The following TOP2B variants were observed in gnomAD, a reference collection of about 807,000 sequenced individuals.
TOP2B encodes DNA topoisomerase 2-beta.
A neutral mutation model predicts 193.5 loss-of-function variants in TOP2B; 51 were observed. That is an observed-to-expected ratio of 0.26 (90% CI 0.21 to 0.33). The LOEUF is 0.33. Among genes scored for constraint, TOP2B ranks in the 10% least tolerant of loss-of-function variants. The pLI, the probability that TOP2B is intolerant of heterozygous loss-of-function variation, is 1.00. For synonymous variants in TOP2B, 634 were observed against 635.7 expected (o/e 1.00, Z 0.04); for missense variants, 1,378 against 1,909.3 (o/e 0.72, Z 5.19).
chr3:25,600,239 T>C (rs886559739), intron 34 of TOP2B, among the ~76,000 whole-genome samples: 3 of 151,864 alleles, frequency 2.0e-5, no homozygotes, highest in Non-Finnish European at 2.9e-5. Flanking sequence ...CCCACAATGA[T>C]GCCAATGAAA....
At chr3:25,645,120 GT>G (rs1234799257) in intron 2 of TOP2B, among the ~76,000 whole-genome samples, 179 bp downstream of exon 2, 1 of 152,014 alleles carries the variant, frequency 6.6e-6, no homozygotes, top group African/African-American at 2.4e-5. Context: ...TCTTCTGACG[GT>G]TTTTAATCCC....
At chr3:25,646,739 G>A (rs932897152) in intron 1 of TOP2B, among the ~76,000 whole-genome samples, 17 of 152,036 alleles carry the variant, frequency 1.1e-4, no homozygotes, top group South Asian at 2.1e-4. Flanking sequence ...TTTCAATTCC[G>A]CTTTAAAGTT....
At chr3:25,654,890 T>C (rs929799382) in intron 1 of TOP2B, among the ~76,000 whole-genome samples, 33 of 152,138 alleles carry the variant, frequency 2.2e-4, no homozygotes, top group African/African-American at 7.7e-4. Flanking sequence ...TGGACTCTCA[T>C]GCCACATACA....
intron 16 of TOP2B, 121 bp from the exon 17 acceptor site, chr3:25,626,985 A>G (rs1702818738): frequency 1.4e-6 from 1 of 735,490 alleles, no homozygotes; most frequent in Admixed American, 2.9e-5. Context: ...TTATTTTACA[A>G]TATTTTAATC....
In TOP2B at chr3:25,625,707, G is replaced by C. The variant is rs184777998; in HGVS notation, c.2224+853C>G. Among the ~76,000 whole-genome samples, 541 of 152,268 alleles carry C rather than the reference G, an allele frequency of 3.6e-3. 1 individual carries two copies. The highest frequency in any genetic ancestry group is 4.6e-3 in the Non-Finnish European group (311 of 68,024). On this transcript the variant is annotated intron_variant, in intron 18 of 35. Coordinates refer to ENST00000264331, the MANE Select transcript of TOP2B (RefSeq NM_001330700.2). ...GTGGCCCAGGGAAGCCAAAAGGTTA[G>C]ACACCCTGGCTCTAGGCCAATAAGC...
intron 27 of TOP2B, 74 bp downstream of exon 27, chr3:25,615,131 A>C: frequency 3.7e-6 from 5 of 1,334,744 alleles, no homozygotes; most frequent in Non-Finnish European, 5.2e-6. Flanking sequence ...AAACTTTAAG[A>C]TCACTTAAAA....
At chr3:25,637,707 C>CA (rs1206055322) in intron 5 of TOP2B, among the ~76,000 whole-genome samples, 4 of 151,918 alleles carry the variant, frequency 2.6e-5, no homozygotes, top group Non-Finnish European at 3.0e-5. Flanking sequence ...CAAAACAAAA[C>CA]AAAAAACCTA....
chr3:25,632,600 CA>C lies in TOP2B; in HGVS notation c.1129-18del, dbSNP rs752602170. On this transcript the variant is annotated intron_variant, in intron 9 of 35. Transcript: ENST00000264331. ...GTTTTTTACCTGTTGAAAACATACC[CA>C]AAAAAGTCAATATCAGAGCTGATAT... 1 of 1,597,408 alleles carries C rather than the reference CA, an allele frequency of 6.3e-7. No homozygotes were observed. Among genetic ancestry groups the C allele is most frequent in the South Asian group, 1.1e-5 (1 of 87,294 alleles).
At chr3:25,644,655 C>T (rs1457483807) in intron 2 of TOP2B, among the ~76,000 whole-genome samples, 5 of 141,538 alleles carry the variant, frequency 3.5e-5, no homozygotes, top group Non-Finnish European at 7.7e-5. Context: ...GAGCCAAGAT[C>T]ACACTACTAC....
chr3:25,598,132 AAG>A lies in TOP2B; in HGVS notation c.*173_*174del, dbSNP rs1426550509. ...GTACGTGACATTTCAATGAGTAAAA[AAG>A]AGCATAAAACTGTATGTGTAAGAAC... On this transcript the variant is annotated 3_prime_UTR_variant, in exon 36 of 36. Coordinates refer to ENST00000264331, the MANE Select transcript of TOP2B (RefSeq NM_001330700.2). 3.4e-6 allele frequency: 2 copies of A among 595,256 alleles called. No individual in the cohort carries two copies. Among genetic ancestry groups the A allele is most frequent in the African/African-American group, 3.8e-5 (2 of 53,084 alleles). 36.9% of individuals were successfully genotyped at this position (595,256 alleles called of 1,614,324 possible). A position where few individuals can be genotyped will look rare whatever the true frequency, so the allele number is the denominator to read the frequency against.
intron 23 of TOP2B, among the ~76,000 whole-genome samples, chr3:25,619,372 C>T (rs148638753): frequency 5.9e-4 from 89 of 152,042 alleles, no homozygotes; most frequent in Non-Finnish European, 1.2e-3. Flanking sequence ...TTCTCAGCCA[C>T]TGTACTACTG....
chr3:25,646,223 T>C (rs1703410196), intron 1 of TOP2B, among the ~76,000 whole-genome samples: 1 of 152,040 alleles, frequency 6.6e-6, no homozygotes. Context: ...GACTACAGTA[T>C]AAACAAAAAT....
At chr3:25,651,449 A>G (rs1703586519) in intron 1 of TOP2B, among the ~76,000 whole-genome samples, 1 of 151,830 alleles carries the variant, frequency 6.6e-6, no homozygotes, top group South Asian at 2.1e-4. Flanking sequence ...TGTCACTAAA[A>G]AAAAAAAAAA....
At chr3:25,626,934 T>G in intron 16 of TOP2B, 70 bp from the exon 17 acceptor site, 1 of 940,270 alleles carries the variant, frequency 1.1e-6, no homozygotes, top group Non-Finnish European at 1.6e-6. Flanking sequence ...TTAAAATGTA[T>G]AAGTGGCCAA....
chr3:25,600,210 G>C (rs1457641667), intron 34 of TOP2B, among the ~76,000 whole-genome samples: 1 of 152,112 alleles, frequency 6.6e-6, no homozygotes, highest in Non-Finnish European at 1.5e-5. Context: ...TATTTAAGTA[G>C]GGGCCAGATG....
At position 25,598,495 on chromosome 3, in the gene TOP2B, A is replaced by AGAT. The variant is rs768778607; in HGVS notation, c.4711-21_4711-19dup. The AGAT allele has an allele frequency of 5.8e-6, 9 of 1,548,342 alleles. No homozygotes were observed. The South Asian group carries it at 7.4e-5, about 13-fold the overall frequency. On this transcript the variant is annotated intron_variant, in intron 35 of 35. Coordinates refer to ENST00000264331, the MANE Select transcript of TOP2B (RefSeq NM_001330700.2). ...TTCGGTTTCTAGATTTTTTTTCAAT[A>AGAT]GATTTAAAAGTTATGAAAGGAAGTA...
intron 3 of TOP2B, 80 bp downstream of exon 3, chr3:25,643,614 G>A: frequency 9.4e-7 from 1 of 1,059,880 alleles, no homozygotes; most frequent in Non-Finnish European, 1.4e-6. Context: ...ATTTATACTG[G>A]TTAAGTCTGG....
At chr3:25,646,951 T>C (rs1559507465) in intron 1 of TOP2B, among the ~76,000 whole-genome samples, 1 of 152,190 alleles carries the variant, frequency 6.6e-6, no homozygotes, top group South Asian at 2.1e-4. Context: ...CTCATTTTAC[T>C]AGATTTTAAA....
rs1016516521 is a variant in TOP2B, at chr3:25,664,891, C to T, written c.-594G>A. 2.8e-5 allele frequency: 28 copies of T among 990,610 alleles called. No individual in the cohort carries two copies. The highest frequency in any genetic ancestry group is 3.2e-5 in the Non-Finnish European group (27 of 832,548). 61.4% of individuals were successfully genotyped at this position (990,610 alleles called of 1,614,324 possible). ...CCACGGTCACCTCCCTCTTGTCCGG[C>T]ATAACACCGCACACACACATTTGCA... On this transcript the variant is annotated 5_prime_UTR_variant, in exon 1 of 36. An upstream start codon of the reference 5' UTR is lost. Coordinates refer to ENST00000264331, the MANE Select transcript of TOP2B (RefSeq NM_001330700.2).
Sources: gnomAD v4.1 joint callset for allele counts (sites outside exome capture counted in the v4.1 genomes callset) on GRCh38, gnomAD v4.1.1 for gene constraint, MANE v1.5 for transcripts, NCBI Gene and HGNC (gene_info 2026-07-23, HGNC 2026-07-21) for gene names.